The following KLHL29 variants were observed in gnomAD, a reference collection of about 807,000 sequenced individuals.
KLHL29 encodes the protein kelch like family member 29.
In KLHL29, 21 loss-of-function variants were observed where a neutral mutation model predicts 80.4. That is an observed-to-expected ratio of 0.26 (90% CI 0.19 to 0.38). The LOEUF is 0.38. Among genes scored for constraint, KLHL29 ranks in the 10% least tolerant of loss-of-function variants. The probability of loss-of-function intolerance (pLI) is 1.00; values close to 1 mark genes in which losing one functional copy is unlikely to be tolerated. For synonymous variants in KLHL29, 511 were observed against 526.8 expected, an observed-to-expected ratio of 0.97 and a Z score of 0.41; for missense variants, 867 against 1,223.9, an observed-to-expected ratio of 0.71 and a Z score of 4.35.
intron 2 of KLHL29, among the ~76,000 whole-genome samples, chr2:23,524,636 G>A (rs1666239478): frequency 6.6e-6 from 1 of 152,202 alleles, no homozygotes; most frequent in Admixed American, 6.5e-5. Context: ...GGACGAGGTG[G>A]TTGAGAGGAC....
intron 3 of KLHL29, among the ~76,000 whole-genome samples, chr2:23,567,329 C>G (rs1667611949): frequency 6.6e-6 from 1 of 152,234 alleles, no homozygotes; most frequent in Non-Finnish European, 1.5e-5. Context: ...GTCAGGAGCA[C>G]TCATGCTGAA....
At chr2:23,583,217 G>A (rs770230930) in intron 3 of KLHL29, among the ~76,000 whole-genome samples, 4 of 152,146 alleles carry the variant, frequency 2.6e-5, no homozygotes, top group Admixed American at 2.0e-4. Context: ...CTGTGTGGTC[G>A]TTTGTTGCCG....
chr2:23,473,465 A>G (rs900661264), intron 1 of KLHL29, among the ~76,000 whole-genome samples: 42 of 152,004 alleles, frequency 2.8e-4, no homozygotes. Flanking sequence ...AGTCCCAGAG[A>G]ACTCAGCTGT....
intron 1 of KLHL29, among the ~76,000 whole-genome samples, chr2:23,467,942 G>A (rs1407005066): frequency 6.6e-6 from 1 of 151,822 alleles, no homozygotes; most frequent in Non-Finnish European, 1.5e-5. Flanking sequence ...TGGCGGGGTG[G>A]TGGAAGAGAA....
intron 5 of KLHL29, among the ~76,000 whole-genome samples, chr2:23,683,808 C>T (rs1671159575): frequency 2.0e-5 from 3 of 152,094 alleles, no homozygotes; most frequent in Non-Finnish European, 4.4e-5. Context: ...GAAAAGTCCC[C>T]ACAAGTGTGA....
At chr2:23,425,560 G>T (rs1385225724) in intron 1 of KLHL29, among the ~76,000 whole-genome samples, 2 of 152,186 alleles carry the variant, frequency 1.3e-5, no homozygotes, top group Non-Finnish European at 2.9e-5. Context: ...AGGTAGCAGG[G>T]TGAGCCCCCT....
At chr2:23,401,799 A>T (rs1001028195) in intron 1 of KLHL29, among the ~76,000 whole-genome samples, 1 of 152,186 alleles carries the variant, frequency 6.6e-6, no homozygotes, top group African/African-American at 2.4e-5. Flanking sequence ...TTCATTCTCT[A>T]GAAGGCTCTG....
Position 23,681,418 on chromosome 2 carries a change from C to CGG in KLHL29, c.941-2978_941-2977dup, listed in dbSNP as rs1558437196. On this transcript the variant is annotated intron_variant, in intron 5 of 13. Transcript: ENST00000486442. This position sits in a 1 kb window ranked among gnomAD's most constrained non-coding sequence, Gnocchi z 4.2. ...TTCCTGGAGCAGAAGGTGTCACGGCCGGGGCTGGGGCTTTAGATAGAATCA... is the reference window on the plus strand; with the variant it reads ...TTCCTGGAGCAGAAGGTGTCACGGCCGGGGGGCTGGGGCTTTAGATAGAATCA... 1.3e-5 allele frequency among the ~76,000 whole-genome samples: 2 copies of CGG among 152,118 alleles called. No individual in the cohort carries two copies. The highest frequency in any genetic ancestry group is 2.9e-5 in the Non-Finnish European group (2 of 68,014).
rs769363801 is a variant in KLHL29 at position 23,654,695 on chromosome 2, T to TGGGGGGG, written c.940+11845_940+11846insGGGGGGG. On this transcript the variant is annotated intron_variant, in intron 5 of 13. Coordinates refer to ENST00000486442, the MANE Select transcript of KLHL29 (RefSeq NM_052920.2). Reference sequence around the variant, plus strand: ...CTTCTCTTCCAGAAGGGAACAGAGGTTGGGGGGGGGGGGTGGATGTTTTGT... The same window carrying TGGGGGGG: ...CTTCTCTTCCAGAAGGGAACAGAGGTGGGGGGGTGGGGGGGGGGGGTGGATGTTTTGT... Among the ~76,000 whole-genome samples, 17 of 34,226 alleles carry TGGGGGGG rather than the reference T, an allele frequency of 5.0e-4. 1 individual carries two copies. The highest frequency in any genetic ancestry group is 1.0e-3 in the Non-Finnish European group (14 of 13,578). 22.5% of individuals were successfully genotyped at this position (34,226 alleles called of 152,430 possible).
chr2:23,537,403 C>T (rs959959098), intron 2 of KLHL29, among the ~76,000 whole-genome samples: 3 of 131,472 alleles, frequency 2.3e-5, no homozygotes, highest in Non-Finnish European at 3.5e-5. Flanking sequence ...CCGATTCCTG[C>T]GGTGGGCAGA....
At chr2:23,494,265 G>A (rs897862133) in intron 2 of KLHL29, among the ~76,000 whole-genome samples, 2 of 152,158 alleles carry the variant, frequency 1.3e-5, no homozygotes, top group African/African-American at 4.8e-5. Context: ...AATTGACTAT[G>A]GCAACTGAAT....
chr2:23,460,063 C>G (rs931692618), intron 1 of KLHL29, among the ~76,000 whole-genome samples: 1 of 152,216 alleles, frequency 6.6e-6, no homozygotes, highest in Admixed American at 6.5e-5. Context: ...GTTCAACATA[C>G]CTACTGTGTA....
chr2:23,593,046 AGGAGC>A, intron 3 of KLHL29, among the ~76,000 whole-genome samples: 1 of 152,314 alleles, frequency 6.6e-6, no homozygotes, highest in South Asian at 2.1e-4. Flanking sequence ...ATTAGCAAGC[AGGAGC>A]GGGTGGGGAT....
At chr2:23,449,056 G>T (rs190549738) in intron 1 of KLHL29, among the ~76,000 whole-genome samples, 1 of 152,268 alleles carries the variant, frequency 6.6e-6, no homozygotes, top group African/African-American at 2.4e-5. Flanking sequence ...ACAGGAAGTG[G>T]TGGATCCAGG....
intron 2 of KLHL29, among the ~76,000 whole-genome samples, chr2:23,552,738 C>T (rs1008376599): frequency 2.9e-5 from 4 of 137,584 alleles, no homozygotes; most frequent in Admixed American, 7.4e-5. Context: ...TCAGAGGTCA[C>T]GGCTATAGCT....
intron 1 of KLHL29, among the ~76,000 whole-genome samples, chr2:23,473,551 A>G (rs1664553909): frequency 6.6e-6 from 1 of 152,048 alleles, no homozygotes; most frequent in African/African-American, 2.4e-5. Context: ...TGGAAGGGCA[A>G]GGCCACTGTC....
Position 23,642,633 on chromosome 2 carries a change from G to A in KLHL29, c.723G>A (p.Val241=), listed in dbSNP as rs1405302571. ...TGGCCGTGTCCACACTGCCCGGTGTGGGGCAGGTGGCCCGCCCAGGACCCA... is the reference window on the plus strand; with the variant it reads ...TGGCCGTGTCCACACTGCCCGGTGTAGGGCAGGTGGCCCGCCCAGGACCCA... ...QPLAVSTLPG[V]GQVARPGPTA... is the part of the protein sequence containing the mutation. Residue 241 remains valine, a synonymous_variant, in exon 5 of 14, where the codon GTG becomes GTA. Transcript: ENST00000486442. 1 of 1,549,544 alleles carries A rather than the reference G, an allele frequency of 6.5e-7. No individual in the cohort carries two copies. Among genetic ancestry groups the A allele is most frequent in the African/African-American group, 1.4e-5 (1 of 73,140 alleles).
chr2:23,461,975 C>CTTTTTTTTTTTTTTTTTTTTTTTT (rs1164075132), intron 1 of KLHL29, among the ~76,000 whole-genome samples: 1 of 79,504 alleles, frequency 1.3e-5, no homozygotes. Context: ...CGGTTTTTGC[C>CTTTTTTTTTTTTTTTTTTTTTTTT]ATTTTTTTTT....
chr2:23,525,373 C>T (rs1644819624), intron 2 of KLHL29, among the ~76,000 whole-genome samples: 1 of 152,274 alleles, frequency 6.6e-6, no homozygotes, highest in African/African-American at 2.4e-5. Context: ...CGCTACACCA[C>T]GTGGCTTCAG....
Sources: gnomAD v4.1 joint callset for allele counts (sites outside exome capture counted in the v4.1 genomes callset) on GRCh38, gnomAD v4.1.1 for gene constraint, Gnocchi (gnomAD v3.1) non-coding constraint, MANE v1.5 for transcripts, NCBI Gene and HGNC (gene_info 2026-07-23, HGNC 2026-07-21) for gene names.